The following FREM1 variants were observed in gnomAD, a reference collection of about 807,000 sequenced individuals.
FREM1 encodes the protein FRAS1 related extracellular matrix 1.
FREM1 carries 220 observed loss-of-function variants against 210.1 expected under a neutral mutation model. The ratio of observed to expected loss-of-function variants is 1.05; its 90% CI spans 0.94 to 1.17. FREM1 has a LOEUF of 1.17. FREM1 is among the 50% of genes most tolerant of loss of function. The pLI, the probability that FREM1 is intolerant of heterozygous loss-of-function variation, is 0.00. For missense variants in FREM1, 3,454 were observed against 2,675.5 expected (o/e 1.29, Z -6.42); for synonymous variants, 1,189 against 980.2 (o/e 1.21, Z -3.98).
At chr9:14,812,766 C>T (rs768094628) in intron 16 of FREM1, 46 bp downstream of exon 16, 9 of 1,561,312 alleles carry the variant, frequency 5.8e-6, no homozygotes, top group Non-Finnish European at 7.8e-6. Context: ...AGTGGAGACT[C>T]TCATGTTGCT....
At chr9:14,885,068 C>G (rs368188868) in intron 1 of FREM1, among the ~76,000 whole-genome samples, 8,943 of 119,978 alleles carry the variant, frequency 0.075, 1,657 homozygotes, top group African/African-American at 0.27. Flanking sequence ...GGGACTACAG[C>G]TGCCCGCCAC....
At chr9:14,880,376 G>C (rs1158531958) in intron 1 of FREM1, among the ~76,000 whole-genome samples, 1 of 152,128 alleles carries the variant, frequency 6.6e-6, no homozygotes, top group Non-Finnish European at 1.5e-5. Flanking sequence ...AGCCGAGGCG[G>C]GTGGATCACC....
chr9:14,744,885 T>C (rs1042947818), intron 35 of FREM1, among the ~76,000 whole-genome samples: 2 of 152,200 alleles, frequency 1.3e-5, no homozygotes, highest in African/African-American at 4.8e-5. Flanking sequence ...TTCTATTTGC[T>C]CTGCATCTTT....
chr9:14,852,889 G>A (rs1828036227), intron 5 of FREM1, among the ~76,000 whole-genome samples: 1 of 152,220 alleles, frequency 6.6e-6, no homozygotes, highest in South Asian at 2.1e-4. Context: ...ATGTGCAACT[G>A]AATGTAAGAC....
chr9:14,751,207 T>A (rs576925616), intron 29 of FREM1, among the ~76,000 whole-genome samples: 11 of 152,324 alleles, frequency 7.2e-5, no homozygotes, highest in Admixed American at 2.0e-4. Context: ...TTAAGAGGAA[T>A]AAACACAGTA....
chr9:14,792,234 C>G (rs967770207), intron 22 of FREM1, among the ~76,000 whole-genome samples: 1 of 147,642 alleles, frequency 6.8e-6, no homozygotes, highest in Non-Finnish European at 1.5e-5. Context: ...TGAGAATGAT[C>G]TAGAATTTAG....
intron 10 of FREM1, among the ~76,000 whole-genome samples, chr9:14,825,548 T>TGTGTATATATATATAC (rs1554685284): frequency 0.41 from 17,232 of 41,886 alleles, 2,090 homozygotes; most frequent in Non-Finnish European, 0.55. Flanking sequence ...TGTGTGTGTG[T>TGTGTATATATATATAC]ATATATATAT....
chr9:14,869,445 C>T (rs1328567780), intron 1 of FREM1, among the ~76,000 whole-genome samples: 2 of 152,194 alleles, frequency 1.3e-5, no homozygotes. Flanking sequence ...ATAGCTCCTG[C>T]TTCCGGACTT....
chr9:14,854,885 G>A (rs1475284309), intron 5 of FREM1, among the ~76,000 whole-genome samples: 2 of 151,950 alleles, frequency 1.3e-5, no homozygotes, highest in African/African-American at 2.4e-5. Flanking sequence ...AGGAAACTAC[G>A]AACTTTACAG....
At chr9:14,768,143 A>C (rs1846790211) in intron 27 of FREM1, among the ~76,000 whole-genome samples, 1 of 152,120 alleles carries the variant, frequency 6.6e-6, no homozygotes, top group Non-Finnish European at 1.5e-5. Context: ...GCCTAGCATC[A>C]TTACTGGGGG....
At chr9:14,886,300 C>T (rs1226396108) in intron 1 of FREM1, among the ~76,000 whole-genome samples, 4 of 137,906 alleles carry the variant, frequency 2.9e-5, no homozygotes, top group South Asian at 2.5e-4. Context: ...GCAGGAGAAT[C>T]GCTTGAACCC....
chr9:14,897,470 C>A (rs1008055748), intron 1 of FREM1, among the ~76,000 whole-genome samples: 1 of 125,336 alleles, frequency 8.0e-6, no homozygotes. Flanking sequence ...TGTTGCTTTA[C>A]CCACTGATGC....
At chr9:14,879,714 A>G (rs1834440064) in intron 1 of FREM1, among the ~76,000 whole-genome samples, 1 of 152,222 alleles carries the variant, frequency 6.6e-6, no homozygotes, top group Non-Finnish European at 1.5e-5. Context: ...GTCAGAAAAA[A>G]TAAAATGGAG....
chr9:14,907,587 C>T (rs1817995993), intron 1 of FREM1, among the ~76,000 whole-genome samples: 1 of 152,222 alleles, frequency 6.6e-6, no homozygotes, highest in Admixed American at 6.5e-5. Context: ...CGCAGGGAAA[C>T]AGCCTTTCCA....
At chr9:14,866,338 G>C (rs1831510433) in intron 2 of FREM1, among the ~76,000 whole-genome samples, 2 of 152,156 alleles carry the variant, frequency 1.3e-5, no homozygotes, top group African/African-American at 2.4e-5. Context: ...TCAGTGCCTT[G>C]GAGCAGGCCA....
intron 1 of FREM1, among the ~76,000 whole-genome samples, chr9:14,902,388 G>A (rs1703719342): frequency 6.6e-6 from 1 of 152,150 alleles, no homozygotes; most frequent in Non-Finnish European, 1.5e-5. Flanking sequence ...GTGGGGGAAG[G>A]GATATGCAAG....
chr9:14,908,798 C>T (rs1818236493), intron 1 of FREM1, among the ~76,000 whole-genome samples: 1 of 152,176 alleles, frequency 6.6e-6, no homozygotes, highest in Non-Finnish European at 1.5e-5. Context: ...TTCCTGGCAC[C>T]ACTCCAGGTC....
Position 14,868,981 on chromosome 9 carries a change from G to A in FREM1, c.-4C>T, listed in dbSNP as rs780114164. 1.3e-6 allele frequency: 2 copies of A among 1,555,038 alleles called. No homozygotes were observed. The highest frequency in any genetic ancestry group is 2.3e-4 in the Middle Eastern group (1 of 4,376). On this transcript the variant is annotated 5_prime_UTR_variant, in exon 2 of 37. Transcript: ENST00000380880. Reference sequence around the variant, plus strand: ...CCCCCCAACTCAGAGAGTTCATGCTGACAGGGCCCAACTCTTCTCTGTCCA... The same window carrying A: ...CCCCCCAACTCAGAGAGTTCATGCTAACAGGGCCCAACTCTTCTCTGTCCA...
chr9:14,851,383 G>A lies in FREM1; in HGVS notation c.1053C>T (p.His351=), dbSNP rs371463084. ...LQGYVTHLLD[H]TRPISSFTWK... ...AGGTGAATGAGGAGATTGGTCTGGTGTGATCCAACAGGTGAGTCACATAGC... is the reference window on the plus strand; with the variant it reads ...AGGTGAATGAGGAGATTGGTCTGGTATGATCCAACAGGTGAGTCACATAGC... Residue 351 remains histidine, a synonymous_variant, in exon 6 of 37, where the codon CAC becomes CAT. Transcript: ENST00000380880. 6.8e-6 allele frequency: 11 copies of A among 1,613,932 alleles called. No individual in the cohort carries two copies. Among genetic ancestry groups the A allele is most frequent in the South Asian group, 1.1e-5 (1 of 91,076 alleles).
Sources: gnomAD v4.1 joint callset for allele counts (sites outside exome capture counted in the v4.1 genomes callset) on GRCh38, gnomAD v4.1.1 for gene constraint, MANE v1.5 for transcripts, NCBI Gene and HGNC (gene_info 2026-07-23, HGNC 2026-07-21) for gene names.